Variants in DNAH2 observed in about 807,000 individuals in gnomAD.
DNAH2 encodes dynein axonemal heavy chain 2, also known as axonemal beta dynein heavy chain 2.
DNAH2 carries 323 observed loss-of-function variants against 523.5 expected under a neutral mutation model. The observed-to-expected ratio is 0.62, with a 90% CI of 0.56 to 0.68. DNAH2 has a LOEUF of 0.68. Among genes scored for constraint, DNAH2 ranks in the 30% least tolerant of loss-of-function variants. The probability of loss-of-function intolerance (pLI) is 0.00; values close to 1 mark genes in which losing one functional copy is unlikely to be tolerated. For missense variants in DNAH2, 4,907 were observed against 5,701.5 expected (o/e 0.86, Z 4.49); for synonymous variants, 2,093 against 2,177.4 (o/e 0.96, Z 1.08).
chr17:7,798,012 C>T lies in DNAH2; in HGVS notation c.8231-145C>T, dbSNP rs2151286976. On this transcript the variant is annotated intron_variant, in intron 53 of 85. Coordinates refer to ENST00000572933, the MANE Select transcript of DNAH2 (RefSeq NM_020877.5). The surrounding 1 kb of genome is among the most constrained non-coding windows in gnomAD (Gnocchi z 5.5). Reference sequence around the variant, plus strand: ...AGGTGGAGGTTAAAAGTTGAATTGCCTCCTGGGCCTTGGGCACCAACTTCT... The same window carrying T: ...AGGTGGAGGTTAAAAGTTGAATTGCTTCCTGGGCCTTGGGCACCAACTTCT... 1.5e-6 allele frequency: 2 copies of T among 1,362,822 alleles called. No homozygotes were observed. The highest frequency in any genetic ancestry group is 2.0e-6 in the Non-Finnish European group (2 of 1,007,878). The allele number at this position is 1,362,822 out of a possible 1,614,324, so 84.4% of individuals were successfully genotyped here.
chr17:7,833,333 C>G, intron 85 of DNAH2, 46 bp from the exon 86 acceptor site: 2 of 1,610,072 alleles, frequency 1.2e-6, no homozygotes, highest in Non-Finnish European at 1.7e-6. Flanking sequence ...CTGCCCTGCT[C>G]TCCCGGAGGC....
intron 72 of DNAH2, among the ~76,000 whole-genome samples, chr17:7,820,109 A>C (rs917549833): frequency 7.9e-5 from 12 of 152,166 alleles, no homozygotes; most frequent in African/African-American, 2.7e-4. Flanking sequence ...ACGCCTGGCA[A>C]AAACTGGGAG....
Position 7,818,349 on chromosome 17 carries a change from G to A in DNAH2, c.10425G>A (p.Val3475=), listed in dbSNP as rs577513658. 5 of 1,614,154 alleles carry A rather than the reference G, an allele frequency of 3.1e-6. No homozygotes were observed. Among genetic ancestry groups the A allele is most frequent in the African/African-American group, 1.3e-5 (1 of 75,028 alleles). The stretch of plus-strand genomic sequence containing the variant: ...TGATGCGCATTGGCGATAAGGAGGT[G>A]GAATATAATACCAATTTCCGTTTCT... ...RLLMRIGDKE[V]EYNTNFRFYI... Residue 3475 remains valine (V), a synonymous_variant, in exon 69 of 86, where the codon GTG becomes GTA. Coordinates refer to ENST00000572933, the MANE Select transcript of DNAH2 (RefSeq NM_020877.5).
chr17:7,779,650 T>TGTGTATAA (rs2076550927), intron 36 of DNAH2, among the ~76,000 whole-genome samples: 1 of 152,230 alleles, frequency 6.6e-6, no homozygotes, highest in Non-Finnish European at 1.5e-5. Flanking sequence ...TGTGTGTATA[T>TGTGTATAA]GTAGCCCTCA....
rs150559507 is a variant in DNAH2 at position 7,724,267 on chromosome 17, A to G, written c.228+578A>G. Among the ~76,000 whole-genome samples, 862 of 152,306 alleles carry G rather than the reference A, an allele frequency of 5.7e-3. 11 individuals are homozygous for G. Among genetic ancestry groups the G allele is most frequent in the Admixed American group, 0.021 (325 of 15,288 alleles). ...AAGAAAAAAATGGCAAGAGACAGAA[A>G]AGTAAAATAGAGAAAATAAGACTCA... On this transcript the variant is annotated intron_variant, in intron 3 of 85. Transcript: ENST00000572933.
Position 7,831,389 on chromosome 17 carries a change from G to A in DNAH2, c.12460-1G>A. 6.2e-7 allele frequency: 1 copy of A among 1,614,164 alleles called. No homozygotes were observed. Among genetic ancestry groups the A allele is most frequent in the South Asian group, 1.1e-5 (1 of 91,090 alleles). On this transcript the variant is annotated splice_acceptor_variant, in intron 80 of 85. Coordinates refer to ENST00000572933, the MANE Select transcript of DNAH2 (RefSeq NM_020877.5). LOFTEE classifies it high-confidence loss of function. This position sits in a 1 kb window ranked among gnomAD's most constrained non-coding sequence, Gnocchi z 4.2. ...ACACTCAAGAGCTCCTGCCTGCTCA[G>A]GTCCTTGAGTTGGCCGCTGATGTGA... is the stretch of plus-strand genomic sequence containing the variant.
chr17:7,799,423 C>T (rs1032139150), intron 56 of DNAH2, among the ~76,000 whole-genome samples, 181 bp downstream of exon 56: 4 of 152,202 alleles, frequency 2.6e-5, no homozygotes, highest in Non-Finnish European at 4.4e-5. Flanking sequence ...ACATGGGAGT[C>T]GTCCATCCTT....
At chr17:7,769,820 T>C (rs2076267262) in intron 24 of DNAH2, among the ~76,000 whole-genome samples, 1 of 152,262 alleles carries the variant, frequency 6.6e-6, no homozygotes, top group Non-Finnish European at 1.5e-5. Flanking sequence ...TGCCAAACCA[T>C]TAAGTGTTAT....
rs1339472575 is a variant in DNAH2 at position 7,792,642 on chromosome 17, C to T, written c.7146-15C>T. On this transcript the variant is annotated splice_polypyrimidine_tract_variant and intron_variant, in intron 46 of 85. Coordinates refer to ENST00000572933, the MANE Select transcript of DNAH2 (RefSeq NM_020877.5). ...GGCGGCTGGTCCTTGAGAGCCGGCCCCTGCTCTTCCCTAGCGCCCCCTTCT... is the reference window on the plus strand; with the variant it reads ...GGCGGCTGGTCCTTGAGAGCCGGCCTCTGCTCTTCCCTAGCGCCCCCTTCT... 2 of 1,611,056 alleles carry T rather than the reference C, an allele frequency of 1.2e-6. No individual in the cohort carries two copies. The highest frequency in any genetic ancestry group is 4.5e-5 in the East Asian group (2 of 44,848).
At chr17:7,725,441 T>TATATATATATATATATATATATATATATA (rs398119671) in intron 3 of DNAH2, among the ~76,000 whole-genome samples, 22 of 137,006 alleles carry the variant, frequency 1.6e-4, no homozygotes, top group East Asian at 4.7e-4. Flanking sequence ...TATATATATA[T>TATATATATATATATATATATATATATATA]TTTCTTTTTG....
intron 12 of DNAH2, among the ~76,000 whole-genome samples, chr17:7,751,923 GT>G (rs1567640015): frequency 2.1e-4 from 32 of 150,092 alleles, no homozygotes; most frequent in East Asian, 1.6e-3. Context: ...GTTGTGGGGT[GT>G]GTGTGTGTGT....
rs1597565548 is a variant in DNAH2, at chr17:7,760,387, A to G, written c.2786-353A>G. On this transcript the variant is annotated intron_variant, in intron 17 of 85. Coordinates refer to ENST00000572933, the MANE Select transcript of DNAH2 (RefSeq NM_020877.5). This position sits in a 1 kb window ranked among gnomAD's most constrained non-coding sequence, Gnocchi z 4.0. ...AAAAAAAAACAAAAACAGGGGGGCC[A>G]GACTGGGGAAGGGAGCAGGGGCTTG... Among the ~76,000 whole-genome samples the G allele has an allele frequency of 1.3e-5, 2 of 149,454 alleles. No individual in the cohort carries two copies. Among genetic ancestry groups the G allele is most frequent in the African/African-American group, 2.5e-5 (1 of 40,778 alleles).
At chr17:7,826,063 G>T (rs2078009285) in intron 77 of DNAH2, among the ~76,000 whole-genome samples, 1 of 152,202 alleles carries the variant, frequency 6.6e-6, no homozygotes, top group Non-Finnish European at 1.5e-5. Context: ...GGTGGAGGTT[G>T]CAGGGAGCTG....
chr17:7,792,985 C>T lies in DNAH2; in HGVS notation c.7349C>T (p.Thr2450Ile), dbSNP rs1395657218. The T allele has an allele frequency of 6.2e-7, 1 of 1,609,566 alleles. No homozygotes were observed. The highest frequency in any genetic ancestry group is 8.5e-7 in the Non-Finnish European group (1 of 1,176,298). ...CATTCGGTACCTTTTCACCAGACCA[C>T]ATCCAATAACGTGCAGAGCATCATT... ...VLVVNMSAQTTSNNVQSIIES... is the reference protein window; with the variant it reads ...VLVVNMSAQTISNNVQSIIES... The change falls in exon 48 of 86, where the codon ACA (threonine) becomes ATA (isoleucine). Residue 2450 changes from threonine (T) to isoleucine (I), a missense_variant. Around this residue, in one of 3 missense-constraint regions of DNAH2, gnomAD observed 2,806 missense variants for 3,190.8 expected, o/e 0.88. Transcript: ENST00000572933.
rs71159524 is a variant in DNAH2 at position 7,731,134 on chromosome 17, T to TAATTAAATTA, written c.400-1935_400-1926dup. On this transcript the variant is annotated intron_variant, in intron 4 of 85. Transcript: ENST00000572933. Reference sequence around the variant, plus strand: ...CTGTGTCTCAGATAAATAAATAAATTAATTAAATTAAATTAAATTAAATTA... The same window carrying TAATTAAATTA: ...CTGTGTCTCAGATAAATAAATAAATTAATTAAATTAAATTAAATTAAATTAAATTAAATTA... 3.5e-3 allele frequency among the ~76,000 whole-genome samples: 523 copies of TAATTAAATTA among 148,786 alleles called. 3 individuals are homozygous for TAATTAAATTA. Among genetic ancestry groups the TAATTAAATTA allele is most frequent in the African/African-American group, 0.011 (446 of 40,426 alleles).
chr17:7,821,454 G>C lies in DNAH2; in HGVS notation c.11142+85G>C. On this transcript the variant is annotated intron_variant, in intron 73 of 85. Coordinates refer to ENST00000572933, the MANE Select transcript of DNAH2 (RefSeq NM_020877.5). The surrounding 1 kb of genome is among the most constrained non-coding windows in gnomAD (Gnocchi z 5.0). ...GTGTGACAAGGACTCCAGACCCAGAGGGTCAGGCCCACAGCATCAGTGAGT... is the reference window on the plus strand; with the variant it reads ...GTGTGACAAGGACTCCAGACCCAGACGGTCAGGCCCACAGCATCAGTGAGT... 1 of 1,490,188 alleles carries C rather than the reference G, an allele frequency of 6.7e-7. No individual in the cohort carries two copies. The highest frequency in any genetic ancestry group is 9.0e-7 in the Non-Finnish European group (1 of 1,110,570). 92.3% of individuals were successfully genotyped at this position (1,490,188 alleles called of 1,614,324 possible). A position where few individuals can be genotyped will look rare whatever the true frequency, so the allele number is the denominator to read the frequency against.
intron 42 of DNAH2, chr17:7,787,419 TTGAATAAGCTCTA>T: frequency 3.5e-6 from 1 of 289,432 alleles, no homozygotes; most frequent in Non-Finnish European, 6.5e-6. Flanking sequence ...AAGGACAACC[TTGAATAAGCTCTA>T]GTTTCTTTTA....
intron 7 of DNAH2, among the ~76,000 whole-genome samples, chr17:7,735,526 C>T (rs2075116331): frequency 6.6e-6 from 1 of 152,114 alleles, no homozygotes; most frequent in Non-Finnish European, 1.5e-5. Context: ...GCAACCTCTA[C>T]CTCCTGGGCT....
chr17:7,764,294 G>A, intron 20 of DNAH2, 21 bp downstream of exon 20: 4 of 1,579,622 alleles, frequency 2.5e-6, no homozygotes, highest in Non-Finnish European at 3.4e-6. Flanking sequence ...TTGGTGTTTG[G>A]TTTACCTGGG....
Sources: allele counts gnomAD v4.1 joint callset (sites outside exome capture counted in the v4.1 genomes callset), GRCh38; gene constraint gnomAD v4.1.1; regional missense constraint gnomAD v4.1.1; non-coding constraint Gnocchi (gnomAD v3.1); transcripts MANE v1.5; gene names NCBI Gene and HGNC (gene_info 2026-07-23, HGNC 2026-07-21).